Variants in JAK2 observed in about 807,000 individuals in gnomAD.
The protein encoded by JAK2 is Janus kinase 2.
JAK2 carries 86 observed loss-of-function variants against 139.3 expected under a neutral mutation model. The observed-to-expected ratio is 0.62, with a 90% CI of 0.52 to 0.74. The LOEUF (loss-of-function observed/expected upper bound fraction) is 0.74. Ranked by LOEUF, JAK2 falls within the 30% of genes least tolerant of loss-of-function variation. The pLI, the probability that JAK2 is intolerant of heterozygous loss-of-function variation, is 0.00. For missense variants in JAK2, 1,421 were observed against 1,360.3 expected, an observed-to-expected ratio of 1.04 and a Z score of -0.70; for synonymous variants, 490 against 437.7, an observed-to-expected ratio of 1.12 and a Z score of -1.49.
intron 8 of JAK2, among the ~76,000 whole-genome samples, chr9:5,062,558 G>A (rs1423023753): frequency 3.5e-5 from 5 of 141,912 alleles, no homozygotes; most frequent in Admixed American, 6.9e-5. Flanking sequence ...AGCAATAAAG[G>A]GAAGTGCAGT....
chr9:5,026,965 C>A (rs1822821967), intron 3 of JAK2, among the ~76,000 whole-genome samples: 1 of 152,136 alleles, frequency 6.6e-6, no homozygotes, highest in African/African-American at 2.4e-5. Context: ...TAAAACTTGA[C>A]ACATTGTTCT....
At chr9:5,103,869 C>T (rs551623514) in intron 22 of JAK2, among the ~76,000 whole-genome samples, 10 of 152,082 alleles carry the variant, frequency 6.6e-5, no homozygotes, top group Admixed American at 3.9e-4. Flanking sequence ...TTGAAACCAA[C>T]GAGAACAAAG....
At chr9:5,080,186 C>G in intron 16 of JAK2, 43 bp from the exon 17 acceptor site, 1 of 1,421,364 alleles carries the variant, frequency 7.0e-7, no homozygotes, top group South Asian at 1.4e-5. Context: ...GATTGGTTTA[C>G]TTGTGAATTA....
intron 2 of JAK2, among the ~76,000 whole-genome samples, chr9:4,999,014 A>G (rs918080592): frequency 6.6e-6 from 1 of 151,088 alleles, no homozygotes; most frequent in Non-Finnish European, 1.5e-5. Context: ...TTCAGTAGAG[A>G]CGGGGTTTCA....
intron 19 of JAK2, among the ~76,000 whole-genome samples, chr9:5,084,213 T>C (rs1266758646): frequency 6.6e-6 from 1 of 152,156 alleles, no homozygotes; most frequent in African/African-American, 2.4e-5. Flanking sequence ...GAAAGGTAAA[T>C]GGTGTAATCA....
At chr9:5,049,627 C>T (rs556659020) in intron 5 of JAK2, among the ~76,000 whole-genome samples, 25 of 152,250 alleles carry the variant, frequency 1.6e-4, no homozygotes, top group African/African-American at 5.1e-4. Context: ...GCTTCTGTTT[C>T]GCTTCTAAGC....
Position 5,081,706 on chromosome 9 carries a change from A to G in JAK2, c.2435-19A>G, listed in dbSNP as rs1223034487. 4 of 1,547,928 alleles carry G rather than the reference A, an allele frequency of 2.6e-6. No individual in the cohort carries two copies. Among genetic ancestry groups the G allele is most frequent in the South Asian group, 1.1e-5 (1 of 89,534 alleles). ...TGTTATTTGCTAATTTAAGGTGATA[A>G]TATTCTTTATTTCTCCAGATTATGA... is the stretch of plus-strand genomic sequence containing the variant. On this transcript the variant is annotated intron_variant, in intron 18 of 24. Transcript: ENST00000381652.
rs1026322467 is a variant in JAK2 at position 5,051,914 on chromosome 9, C to T, written c.614+1083C>T. Among the ~76,000 whole-genome samples, 4 of 151,536 alleles carry T rather than the reference C, an allele frequency of 2.6e-5. No individual in the cohort carries two copies. In the East Asian group the frequency reaches 7.7e-4, roughly 29 times the overall value. ...TAGGTCTTAACCTAAGGGTGTAGGCCATAGGGTATAATTTTAGGAACTCAG... is the reference window on the plus strand; with the variant it reads ...TAGGTCTTAACCTAAGGGTGTAGGCTATAGGGTATAATTTTAGGAACTCAG... On this transcript the variant is annotated intron_variant, in intron 6 of 24. Coordinates refer to ENST00000381652, the MANE Select transcript of JAK2 (RefSeq NM_004972.4).
At chr9:5,042,155 G>A (rs993628697) in intron 4 of JAK2, among the ~76,000 whole-genome samples, 3 of 141,880 alleles carry the variant, frequency 2.1e-5, no homozygotes, top group Admixed American at 7.1e-5. Flanking sequence ...TTTTGAGACG[G>A]AGTCTCGCTT....
At chr9:5,070,476 T>C (rs1322164177) in intron 12 of JAK2, among the ~76,000 whole-genome samples, 1 of 152,148 alleles carries the variant, frequency 6.6e-6, no homozygotes, top group African/African-American at 2.4e-5. Flanking sequence ...AATCTGAGGA[T>C]ACTTAAGTGG....
chr9:5,116,344 G>C (rs1823173159), intron 22 of JAK2, among the ~76,000 whole-genome samples: 1 of 152,096 alleles, frequency 6.6e-6, no homozygotes, highest in Non-Finnish European at 1.5e-5. Flanking sequence ...AATTTGGGTA[G>C]GTTTGAAATT....
rs1358248922 is a variant in JAK2 at position 5,123,004 on chromosome 9, G to T, written c.3060G>T (p.Trp1020Cys). The change falls in exon 23 of 25, where the codon TGG becomes TGT. Residue 1020 changes from tryptophan (W) to cysteine (C), a missense_variant and splice_region_variant. Transcript: ENST00000381652. ...TTAAATGTTATTCATATATTTACAG[G>T]TATGCTCCAGAATCACTGACAGAGA... Reference protein sequence around the residue: ...VKEPGESPIFWYAPESLTESK... With the variant: ...VKEPGESPIFCYAPESLTESK... The T allele has an allele frequency of 6.3e-7, 1 of 1,597,562 alleles. No individual in the cohort carries two copies. Among genetic ancestry groups the T allele is most frequent in the Admixed American group, 1.7e-5 (1 of 59,178 alleles).
intron 2 of JAK2, among the ~76,000 whole-genome samples, chr9:5,006,372 A>T (rs1490555733): frequency 6.6e-6 from 1 of 152,194 alleles, no homozygotes; most frequent in Non-Finnish European, 1.5e-5. Flanking sequence ...GTTGCTTATC[A>T]GCTTAAGGAG....
intron 16 of JAK2, 48 bp from the exon 17 acceptor site, chr9:5,080,181 G>T (rs1419546890): frequency 1.5e-6 from 2 of 1,378,502 alleles, no homozygotes; most frequent in South Asian, 2.8e-5. Context: ...TAAAAGATTG[G>T]TTTACTTGTG....
chr9:5,041,067 C>CA (rs1816465960), intron 4 of JAK2: 5 of 692,130 alleles, frequency 7.2e-6, no homozygotes, highest in Admixed American at 6.3e-5. Flanking sequence ...GGGCGTCCCT[C>CA]AGGTCTACTA....
chr9:5,125,190 T>G (rs1823892842), intron 23 of JAK2, among the ~76,000 whole-genome samples: 1 of 151,214 alleles, frequency 6.6e-6, no homozygotes, highest in Admixed American at 6.6e-5. Flanking sequence ...AGGCTTCATT[T>G]TGTGTATAAA....
intron 22 of JAK2, among the ~76,000 whole-genome samples, chr9:5,121,733 A>C (rs1823628837): frequency 6.6e-6 from 1 of 152,148 alleles, no homozygotes; most frequent in Non-Finnish European, 1.5e-5. Flanking sequence ...AAGAAGGAGG[A>C]GTCTTTCTTC....
chr9:5,087,208 C>T (rs1453798191), intron 19 of JAK2, among the ~76,000 whole-genome samples: 1 of 152,166 alleles, frequency 6.6e-6, no homozygotes, highest in Non-Finnish European at 1.5e-5. Flanking sequence ...GACAGTTACC[C>T]ATGGCTGGGG....
At chr9:5,095,167 A>C (rs3780370) in intron 22 of JAK2, among the ~76,000 whole-genome samples, 37,384 of 151,982 alleles carry the variant, frequency 0.25, 4,974 homozygotes, top group South Asian at 0.3. Context: ...AAGTAAGTTC[A>C]GCTAAATAAG....
Sources: allele counts gnomAD v4.1 joint callset (sites outside exome capture counted in the v4.1 genomes callset), GRCh38; gene constraint gnomAD v4.1.1; transcripts MANE v1.5; gene names NCBI Gene and HGNC (gene_info 2026-07-23, HGNC 2026-07-21).